The following RCOR1 variants were observed in gnomAD, a reference collection of about 807,000 sequenced individuals.
RCOR1 encodes REST corepressor 1, also known as REST corepressor.
RCOR1 carries 12 observed loss-of-function variants against 64.0 expected under a neutral mutation model. The observed-to-expected ratio is 0.19, with a 90% CI of 0.12 to 0.30. RCOR1 has a LOEUF of 0.30. Ranked by LOEUF, RCOR1 falls within the 10% of genes least tolerant of loss-of-function variation. The pLI, the probability that RCOR1 is intolerant of heterozygous loss-of-function variation, is 1.00. For missense variants in RCOR1, 502 were observed against 621.2 expected (o/e 0.81, Z 2.04); for synonymous variants, 279 against 227.2 (o/e 1.23, Z -2.05).
intron 2 of RCOR1, among the ~76,000 whole-genome samples, chr14:102,667,959 G>T (rs927736040): frequency 6.6e-6 from 1 of 152,158 alleles, no homozygotes; most frequent in East Asian, 1.9e-4. Context: ...ATTCTGTCTT[G>T]AGATAAAGAT....
chr14:102,615,725 A>G (rs377154031), intron 2 of RCOR1, among the ~76,000 whole-genome samples: 4 of 152,332 alleles, frequency 2.6e-5, no homozygotes, highest in East Asian at 1.9e-4. Context: ...CTGGTATTAC[A>G]GGTGTGAGCC....
At chr14:102,681,779 C>T (rs980522626) in intron 2 of RCOR1, 116 bp from the exon 3 acceptor site, 2 of 673,920 alleles carry the variant, frequency 3.0e-6, no homozygotes, top group Non-Finnish European at 2.6e-6. Flanking sequence ...AAGTGTGGGG[C>T]CCATTGGGCC....
chr14:102,652,643 T>C (rs1894615752), intron 2 of RCOR1, among the ~76,000 whole-genome samples: 2 of 152,190 alleles, frequency 1.3e-5, no homozygotes, highest in South Asian at 4.1e-4. Flanking sequence ...GTGAAAATTC[T>C]CCAAACTACA....
chr14:102,694,317 C>T (rs1895599789), intron 3 of RCOR1, among the ~76,000 whole-genome samples: 1 of 152,152 alleles, frequency 6.6e-6, no homozygotes, highest in South Asian at 2.1e-4. Context: ...AGTGCAGTGG[C>T]ACAATCTCAG....
chr14:102,616,136 C>A (rs1189011227), intron 2 of RCOR1, among the ~76,000 whole-genome samples: 3 of 151,932 alleles, frequency 2.0e-5, no homozygotes, highest in African/African-American at 7.3e-5. Context: ...ACTTCAATTA[C>A]TTTGCTAGAG....
intron 3 of RCOR1, among the ~76,000 whole-genome samples, chr14:102,689,813 A>G (rs1895496214): frequency 6.6e-6 from 1 of 152,194 alleles, no homozygotes. Context: ...GCGCAATCTC[A>G]GCTCACTGCA....
chr14:102,695,556 T>G (rs1319732236), intron 3 of RCOR1: 1 of 152,198 alleles, frequency 6.6e-6, no homozygotes, highest in Non-Finnish European at 1.5e-5. Flanking sequence ...TTGTTTTTGT[T>G]TTTGTTTTAG....
intron 2 of RCOR1, among the ~76,000 whole-genome samples, chr14:102,636,611 ATTC>A (rs1894243332): frequency 6.6e-6 from 1 of 151,984 alleles, no homozygotes; most frequent in Non-Finnish European, 1.5e-5. Context: ...TTTGTAGATC[ATTC>A]TTCTTTGAGT....
chr14:102,707,967 CTTT>C (rs35272192), intron 5 of RCOR1, among the ~76,000 whole-genome samples: 14 of 127,242 alleles, frequency 1.1e-4, no homozygotes, highest in Non-Finnish European at 1.1e-4. Context: ...TTTTTTGTAT[CTTT>C]TTTTTTTTTT....
At chr14:102,674,393 G>A (rs1026399304) in intron 2 of RCOR1, among the ~76,000 whole-genome samples, 6 of 152,160 alleles carry the variant, frequency 3.9e-5, no homozygotes, top group Non-Finnish European at 5.9e-5. Flanking sequence ...GAGACTTTCA[G>A]ACTTTAAAAA....
chr14:102,671,883 A>G (rs752770100), intron 2 of RCOR1, among the ~76,000 whole-genome samples: 4 of 152,194 alleles, frequency 2.6e-5, no homozygotes, highest in Non-Finnish European at 5.9e-5. Context: ...GCAATCACTA[A>G]TCATCTTTCT....
chr14:102,711,784 A>G (rs1258182766), intron 7 of RCOR1, among the ~76,000 whole-genome samples: 1 of 152,194 alleles, frequency 6.6e-6, no homozygotes, highest in African/African-American at 2.4e-5. Context: ...TATGTTTCTT[A>G]TAGACAAGGT....
intron 2 of RCOR1, among the ~76,000 whole-genome samples, chr14:102,620,262 C>T (rs1410141428): frequency 6.6e-6 from 1 of 151,554 alleles, no homozygotes; most frequent in Admixed American, 6.6e-5. Flanking sequence ...CCCCCCCACA[C>T]CCACCATGAA....
At chr14:102,654,845 G>A (rs920650948) in intron 2 of RCOR1, among the ~76,000 whole-genome samples, 6 of 118,782 alleles carry the variant, frequency 5.1e-5, no homozygotes, top group Admixed American at 4.7e-4. Context: ...AGATCTCTTC[G>A]TCACCTAGGC....
intron 2 of RCOR1, among the ~76,000 whole-genome samples, chr14:102,634,356 CAG>C (rs1894188009): frequency 6.6e-6 from 1 of 151,796 alleles, no homozygotes; most frequent in Non-Finnish European, 1.5e-5. Flanking sequence ...TCCTGGGTGA[CAG>C]AGCAAAACCC....
intron 2 of RCOR1, among the ~76,000 whole-genome samples, chr14:102,669,703 T>C (rs1595221528): frequency 6.6e-6 from 1 of 152,204 alleles, no homozygotes; most frequent in African/African-American, 2.4e-5. Context: ...TGAAATGAAC[T>C]AAGGCACGTC....
chr14:102,624,082 G>A (rs991457497), intron 2 of RCOR1, among the ~76,000 whole-genome samples: 8 of 152,182 alleles, frequency 5.3e-5, no homozygotes, highest in African/African-American at 1.7e-4. Context: ...TGTAGTCCCA[G>A]CTACTTGGGA....
intron 2 of RCOR1, among the ~76,000 whole-genome samples, chr14:102,603,628 C>CA (rs1338291169): frequency 1.3e-5 from 2 of 150,704 alleles, no homozygotes; most frequent in Non-Finnish European, 3.0e-5. Flanking sequence ...TGCTATTTTT[C>CA]TTTTTTTTCC....
chr14:102,623,279 T>C (rs946079529), intron 2 of RCOR1, among the ~76,000 whole-genome samples: 4 of 152,100 alleles, frequency 2.6e-5, no homozygotes, highest in Non-Finnish European at 5.9e-5. Flanking sequence ...TTAGTATTTA[T>C]TGTTATTCTT....
Sources: gnomAD v4.1 joint callset for allele counts (sites outside exome capture counted in the v4.1 genomes callset) on GRCh38, gnomAD v4.1.1 for gene constraint, MANE v1.5 for transcripts, NCBI Gene and HGNC (gene_info 2026-07-23, HGNC 2026-07-21) for gene names.